The following TCF4 variants were observed in gnomAD, a reference collection of about 807,000 sequenced individuals.
TCF4 encodes the protein transcription factor 4.
A neutral mutation model predicts 82.1 loss-of-function variants in TCF4; 3 were observed. That is an observed-to-expected ratio of 0.04 (90% CI 0.02 to 0.09). The LOEUF (loss-of-function observed/expected upper bound fraction) is 0.09. Among genes scored for constraint, TCF4 ranks in the 10% least tolerant of loss-of-function variants. TCF4 has a pLI of 1.00. For synonymous variants in TCF4, 276 were observed against 309.6 expected (o/e 0.89, Z 1.14); for missense variants, 518 against 852.7 (o/e 0.61, Z 4.89).
At chr18:55,529,763 C>A (rs774783581) in intron 3 of TCF4, among the ~76,000 whole-genome samples, 3 of 152,126 alleles carry the variant, frequency 2.0e-5, no homozygotes, top group Non-Finnish European at 2.9e-5. Context: ...CCAATGTTTA[C>A]TCTTGACCAG....
intron 3 of TCF4, among the ~76,000 whole-genome samples, chr18:55,548,255 CTAGGTGGTAATCTTCACT>C (rs1218305195): frequency 3.9e-5 from 6 of 152,220 alleles, no homozygotes; most frequent in Non-Finnish European, 8.8e-5. Context: ...CACACTCCAT[CTAGGTGGTAATCTTCACT>C]TAGGTGGTAA....
intron 8 of TCF4, among the ~76,000 whole-genome samples, chr18:55,301,404 G>A (rs900596383): frequency 6.6e-6 from 1 of 152,124 alleles, no homozygotes; most frequent in Non-Finnish European, 1.5e-5. Flanking sequence ...AGATTTGTTT[G>A]GATTTAGAAG....
At chr18:55,443,611 T>G (rs1490370156) in intron 5 of TCF4, among the ~76,000 whole-genome samples, 1 of 152,168 alleles carries the variant, frequency 6.6e-6, no homozygotes, top group African/African-American at 2.4e-5. Flanking sequence ...CAATGGCAAA[T>G]TTAGTAATCA....
chr18:55,399,895 C>CAT (rs1187180840), intron 6 of TCF4, among the ~76,000 whole-genome samples: 1 of 149,002 alleles, frequency 6.7e-6, no homozygotes, highest in African/African-American at 2.5e-5. Context: ...CACACACACA[C>CAT]ACACACACAC....
chr18:55,303,646 G>A (rs776939627), intron 8 of TCF4, among the ~76,000 whole-genome samples: 15 of 151,978 alleles, frequency 9.9e-5, no homozygotes, highest in Non-Finnish European at 2.1e-4. Flanking sequence ...GGACAACAGT[G>A]CAATAAAAAA....
chr18:55,382,991 G>A (rs751052764), intron 6 of TCF4, among the ~76,000 whole-genome samples: 1 of 152,220 alleles, frequency 6.6e-6, no homozygotes, highest in Non-Finnish European at 1.5e-5. Context: ...ATTTGAGTTA[G>A]GACAAGAACT....
intron 5 of TCF4, among the ~76,000 whole-genome samples, chr18:55,443,649 T>C (rs577411219): frequency 3.3e-5 from 5 of 152,296 alleles, no homozygotes; most frequent in African/African-American, 1.2e-4. Context: ...CCTGGTAAAT[T>C]TGGGTTCATC....
intron 5 of TCF4, 88 bp from the exon 6 acceptor site, chr18:55,403,606 C>G (rs886944869): frequency 6.2e-7 from 1 of 1,612,434 alleles, no homozygotes; most frequent in Non-Finnish European, 8.5e-7. Context: ...CTGCTCTTCC[C>G]CGATGTTTAC....
intron 3 of TCF4, among the ~76,000 whole-genome samples, chr18:55,563,855 A>C (rs1288699060): frequency 2.0e-5 from 3 of 152,240 alleles, no homozygotes; most frequent in Non-Finnish European, 2.9e-5. Context: ...ATCATCAGAA[A>C]TTTTTATGAC....
At chr18:55,391,529 C>A (rs891597185) in intron 6 of TCF4, among the ~76,000 whole-genome samples, 1 of 151,998 alleles carries the variant, frequency 6.6e-6, no homozygotes, top group African/African-American at 2.4e-5. Context: ...AGCAGTGGGG[C>A]ACAAAATACC....
intron 3 of TCF4, among the ~76,000 whole-genome samples, chr18:55,532,055 G>A (rs951829258): frequency 6.6e-6 from 1 of 152,072 alleles, no homozygotes; most frequent in Non-Finnish European, 1.5e-5. Context: ...CTTTAAAGTC[G>A]GATTTACTCC....
chr18:55,423,777 C>G (rs1008477181), intron 5 of TCF4, among the ~76,000 whole-genome samples: 7 of 152,112 alleles, frequency 4.6e-5, no homozygotes, highest in African/African-American at 1.7e-4. Context: ...CAGCTCCCCC[C>G]GGACCTCATC....
chr18:55,428,679 A>T (rs761616697), intron 5 of TCF4, among the ~76,000 whole-genome samples: 8 of 152,206 alleles, frequency 5.3e-5, no homozygotes, highest in Non-Finnish European at 1.0e-4. Context: ...ATGCTCTATC[A>T]TTATCTTCAT....
intron 6 of TCF4, among the ~76,000 whole-genome samples, chr18:55,388,182 G>A (rs1239156258): frequency 6.6e-6 from 1 of 152,198 alleles, no homozygotes; most frequent in Non-Finnish European, 1.5e-5. Context: ...ACATGAAGAG[G>A]AAAAGCTTGA....
chr18:55,603,888 T>C (rs1290549087), intron 2 of TCF4, among the ~76,000 whole-genome samples: 1 of 152,184 alleles, frequency 6.6e-6, no homozygotes, highest in Non-Finnish European at 1.5e-5. Flanking sequence ...CTCCGAGCTC[T>C]GGGTTGAATA....
intron 6 of TCF4, among the ~76,000 whole-genome samples, chr18:55,393,046 A>G (rs992667846): frequency 6.6e-6 from 1 of 152,224 alleles, no homozygotes; most frequent in Non-Finnish European, 1.5e-5. Context: ...GCAGACATCT[A>G]TTACTGACTC....
At chr18:55,488,112 A>G (rs2096536489) in intron 3 of TCF4, among the ~76,000 whole-genome samples, 1 of 152,238 alleles carries the variant, frequency 6.6e-6, no homozygotes, top group South Asian at 2.1e-4. Context: ...AACTATTCTC[A>G]ATATTTATAC....
intron 6 of TCF4, chr18:55,400,850 A>T: frequency 2.8e-6 from 2 of 702,428 alleles, no homozygotes; most frequent in Non-Finnish European, 4.2e-6. Flanking sequence ...AGCACTGCTC[A>T]CCCCTTTAAG....
At chr18:55,416,062 A>G (rs1161108853) in intron 5 of TCF4, among the ~76,000 whole-genome samples, 1 of 152,162 alleles carries the variant, frequency 6.6e-6, no homozygotes, top group African/African-American at 2.4e-5. Context: ...CTGTGTCTCT[A>G]TATCACAATA....
Sources: allele counts gnomAD v4.1 joint callset (sites outside exome capture counted in the v4.1 genomes callset), GRCh38; gene constraint gnomAD v4.1.1; transcripts MANE v1.5; gene names NCBI Gene and HGNC (gene_info 2026-07-23, HGNC 2026-07-21).